Variants in MAGI2 observed in about 807,000 individuals in gnomAD.
MAGI2 encodes membrane associated guanylate kinase, WW and PDZ domain containing 2.
Under a neutral mutation model 133.3 loss-of-function variants are expected in MAGI2, and 35 were observed. That is an observed-to-expected ratio of 0.26 (90% CI 0.20 to 0.35). The LOEUF is 0.35. Ranked by LOEUF, MAGI2 falls within the 10% of genes least tolerant of loss-of-function variation. The probability of loss-of-function intolerance (pLI) is 1.00; values close to 1 mark genes in which losing one functional copy is unlikely to be tolerated. For missense variants in MAGI2, 1,636 were observed against 1,863.4 expected, an observed-to-expected ratio of 0.88 and a Z score of 2.25; for synonymous variants, 729 against 710.6, an observed-to-expected ratio of 1.03 and a Z score of -0.41.
intron 2 of MAGI2, among the ~76,000 whole-genome samples, chr7:78,711,105 T>C (rs187763612): frequency 5.5e-4 from 84 of 152,280 alleles, no homozygotes; most frequent in Middle Eastern, 6.8e-3. Flanking sequence ...TACTCACATT[T>C]AGTGATATGA....
At chr7:78,394,829 C>T (rs149032568) in intron 6 of MAGI2, among the ~76,000 whole-genome samples, 23 of 152,176 alleles carry the variant, frequency 1.5e-4, no homozygotes, top group Non-Finnish European at 2.9e-4. Flanking sequence ...AGTACATCCT[C>T]GATATGTACA....
intron 3 of MAGI2, among the ~76,000 whole-genome samples, chr7:78,545,698 A>G (rs1798775496): frequency 6.6e-6 from 1 of 152,346 alleles, no homozygotes; most frequent in South Asian, 2.1e-4. Context: ...TAACCACAAC[A>G]TAATGAAATA....
chr7:78,512,096 C>G (rs1795647109), intron 4 of MAGI2, among the ~76,000 whole-genome samples: 1 of 150,288 alleles, frequency 6.7e-6, no homozygotes, highest in African/African-American at 2.5e-5. Context: ...GCACTCCAGC[C>G]TGGGTGATGG....
chr7:78,024,145 G>A (rs1808688004), intron 21 of MAGI2, among the ~76,000 whole-genome samples: 1 of 152,274 alleles, frequency 6.6e-6, no homozygotes, highest in South Asian at 2.1e-4. Context: ...ACTCTTGGTT[G>A]TCAGGACACC....
chr7:78,692,960 A>T (rs1036922985), intron 2 of MAGI2, among the ~76,000 whole-genome samples: 4 of 152,216 alleles, frequency 2.6e-5, no homozygotes, highest in African/African-American at 9.6e-5. Context: ...TATTGGAAAC[A>T]TCTGGATCAT....
At chr7:78,874,328 C>A (rs931505536) in intron 2 of MAGI2, among the ~76,000 whole-genome samples, 8 of 149,694 alleles carry the variant, frequency 5.3e-5, no homozygotes, top group Admixed American at 1.3e-4. Context: ...CTAGTATAGT[C>A]TAGAAATCCC....
At chr7:78,821,082 C>T (rs561081932) in intron 2 of MAGI2, among the ~76,000 whole-genome samples, 126 of 152,108 alleles carry the variant, frequency 8.3e-4, no homozygotes, top group African/African-American at 2.7e-3. Context: ...GTATTAGAAA[C>T]AGCATTTGAT....
At chr7:79,442,945 A>C (rs533174449) in intron 1 of MAGI2, among the ~76,000 whole-genome samples, 1 of 152,184 alleles carries the variant, frequency 6.6e-6, no homozygotes, top group African/African-American at 2.4e-5. Context: ...GACTGTGAAA[A>C]AAAAAAAGGA....
chr7:78,680,984 A>C (rs2151094658), intron 2 of MAGI2, among the ~76,000 whole-genome samples: 1 of 152,278 alleles, frequency 6.6e-6, no homozygotes, highest in East Asian at 1.9e-4. Context: ...GGAGGGCGAC[A>C]CTGCAGGATC....
At chr7:78,305,508 G>A (rs1407656512) in intron 9 of MAGI2, among the ~76,000 whole-genome samples, 1 of 152,140 alleles carries the variant, frequency 6.6e-6, no homozygotes, top group Non-Finnish European at 1.5e-5. Flanking sequence ...GTTGCTTTAA[G>A]ATTTACCATA....
intron 3 of MAGI2, among the ~76,000 whole-genome samples, chr7:78,588,895 T>C (rs1253318804): frequency 6.6e-6 from 1 of 152,188 alleles, no homozygotes; most frequent in Non-Finnish European, 1.5e-5. Context: ...TAATACACTA[T>C]CTTCATTTTA....
At chr7:78,136,132 TTGA>T (rs1822098564) in intron 16 of MAGI2, among the ~76,000 whole-genome samples, 1 of 151,578 alleles carries the variant, frequency 6.6e-6, no homozygotes, top group Admixed American at 6.6e-5. Flanking sequence ...TTTTTTTTTT[TTGA>T]GATGGAGTCT....
intron 21 of MAGI2, among the ~76,000 whole-genome samples, chr7:78,073,695 T>G (rs1416160701): frequency 6.6e-6 from 1 of 152,244 alleles, no homozygotes; most frequent in Non-Finnish European, 1.5e-5. Context: ...ATCAAGTGTA[T>G]GTTCGTGTTG....
In MAGI2 at chr7:79,177,350, AT is replaced by A. The variant is rs530464492; in HGVS notation, c.302-170145del. 8.5e-5 allele frequency: 13 copies of A among 152,070 alleles called. No individual in the cohort carries two copies. The South Asian group carries it at 2.7e-3, about 32-fold the overall frequency. 9.4% of individuals were successfully genotyped at this position (152,070 alleles called of 1,614,324 possible). ...TGAATGCATGAAAAAAGAATTAGTAATTTTTCAACTTTCTTTTGACTTTTTT... is the reference window on the plus strand; with the variant it reads ...TGAATGCATGAAAAAAGAATTAGTAATTTTCAACTTTCTTTTGACTTTTTT... On this transcript the variant is annotated intron_variant, in intron 1 of 21. Coordinates refer to ENST00000354212, the MANE Select transcript of MAGI2 (RefSeq NM_012301.4).
intron 9 of MAGI2, among the ~76,000 whole-genome samples, chr7:78,287,435 G>GTATT (rs1796256334): frequency 1.3e-5 from 2 of 152,310 alleles, no homozygotes; most frequent in South Asian, 4.1e-4. Context: ...GAAATACTGA[G>GTATT]TCCATTGGAG....
chr7:79,294,990 G>A (rs1340390292), intron 1 of MAGI2, among the ~76,000 whole-genome samples: 2 of 151,418 alleles, frequency 1.3e-5, no homozygotes, highest in East Asian at 1.9e-4. Flanking sequence ...TGCCCGCCTC[G>A]GCCTCCCAAA....
chr7:78,378,719 C>T (rs1398691716), intron 6 of MAGI2, among the ~76,000 whole-genome samples: 3 of 152,080 alleles, frequency 2.0e-5, no homozygotes, highest in South Asian at 2.1e-4. Flanking sequence ...CACATACCTA[C>T]TTAATTAAAC....
intron 2 of MAGI2, among the ~76,000 whole-genome samples, chr7:78,886,693 A>T (rs1796298282): frequency 6.6e-6 from 1 of 152,102 alleles, no homozygotes; most frequent in Non-Finnish European, 1.5e-5. Flanking sequence ...ATTTTTATGT[A>T]ATGTTTTTAG....
intron 9 of MAGI2, among the ~76,000 whole-genome samples, chr7:78,338,123 T>C (rs1789968150): frequency 6.6e-6 from 1 of 152,234 alleles, no homozygotes; most frequent in Admixed American, 6.5e-5. Context: ...TTTGAGGATA[T>C]ATGACTCTAT....
Sources: allele counts gnomAD v4.1 joint callset (sites outside exome capture counted in the v4.1 genomes callset), GRCh38; gene constraint gnomAD v4.1.1; transcripts MANE v1.5; gene names NCBI Gene and HGNC (gene_info 2026-07-23, HGNC 2026-07-21).